Variants in TNFRSF10B observed in about 807,000 individuals in gnomAD.
TNFRSF10B encodes the protein tumor necrosis factor receptor superfamily member 10B.
Under a neutral mutation model 41.4 loss-of-function variants are expected in TNFRSF10B, and 35 were observed. The ratio of observed to expected loss-of-function variants is 0.85; its 90% confidence interval spans 0.65 to 1.12. The LOEUF is 1.12. Among genes scored for constraint, TNFRSF10B ranks in the 50% most tolerant of loss-of-function variants. TNFRSF10B has a pLI of 0.00. For synonymous variants in TNFRSF10B, 230 were observed against 215.5 expected (o/e 1.07, Z -0.59); for missense variants, 584 against 552.7 (o/e 1.06, Z -0.57).
intron 1 of TNFRSF10B, among the ~76,000 whole-genome samples, chr8:23,059,338 T>C (rs145618891): frequency 3.9e-5 from 6 of 152,368 alleles, no homozygotes; most frequent in African/African-American, 1.4e-4. Flanking sequence ...TTCAATTCTT[T>C]TGGACGTATA....
At position 23,028,483 on chromosome 8, in the gene TNFRSF10B, G is replaced by T. The variant is rs1395411868; in HGVS notation, c.596C>A (p.Thr199Asn). The T allele has an allele frequency of 3.1e-6, 5 of 1,614,158 alleles. No individual in the cohort carries two copies. Among genetic ancestry groups the T allele is most frequent in the Non-Finnish European group, 3.4e-6 (4 of 1,180,002 alleles). ...GEVPAVEETV[T>N]SSPGTPASPC... ...AGAGGCAGGAGTCCCTGGGCTGGAG[G>T]TCACCGTCTCCTCCACAGCTGGGAC... Residue 199 changes from threonine (T) to asparagine (N), a missense_variant, in exon 5 of 9, where the codon ACC becomes AAC. Coordinates refer to ENST00000276431, the MANE Select transcript of TNFRSF10B (RefSeq NM_003842.5).
chr8:23,053,005 A>T (rs1173658130), intron 1 of TNFRSF10B, among the ~76,000 whole-genome samples: 2 of 152,272 alleles, frequency 1.3e-5, no homozygotes, highest in East Asian at 3.8e-4. Context: ...GTTTAGAACA[A>T]GTCAGAAAGT....
chr8:23,030,895 G>T (rs1433463935), intron 2 of TNFRSF10B, 23 bp from the exon 3 acceptor site: 1 of 1,534,550 alleles, frequency 6.5e-7, no homozygotes, highest in East Asian at 2.3e-5. Context: ...AGAAAAGCCG[G>T]TGAATGAAAT....
At chr8:23,066,112 G>A (rs546463095) in intron 1 of TNFRSF10B, among the ~76,000 whole-genome samples, 63 of 152,050 alleles carry the variant, frequency 4.1e-4, no homozygotes, top group Non-Finnish European at 7.4e-4. Flanking sequence ...GTGAAACCCC[G>A]TCTCTACTAA....
chr8:23,039,536 C>CAAA (rs1563313420), intron 2 of TNFRSF10B, among the ~76,000 whole-genome samples: 4 of 152,116 alleles, frequency 2.6e-5, no homozygotes, highest in African/African-American at 9.7e-5. Flanking sequence ...ATCTGCTTGA[C>CAAA]TCAAAGCCCA....
At chr8:23,046,507 G>A (rs1812364174) in intron 1 of TNFRSF10B, among the ~76,000 whole-genome samples, 1 of 151,572 alleles carries the variant, frequency 6.6e-6, no homozygotes, top group Non-Finnish European at 1.5e-5. Context: ...TTGTTAAAAT[G>A]TCCATACTAT....
rs1437746314 is a variant in TNFRSF10B at position 23,020,606 on chromosome 8, C to T, written c.*2065G>A. 4 of 450,534 alleles carry T rather than the reference C, an allele frequency of 8.9e-6. No individual in the cohort carries two copies. The highest frequency in any genetic ancestry group is 1.8e-5 in the Non-Finnish European group (4 of 224,344). 27.9% of individuals were successfully genotyped at this position (450,534 alleles called of 1,614,324 possible). On this transcript the variant is annotated 3_prime_UTR_variant, in exon 9 of 9. Coordinates refer to ENST00000276431, the MANE Select transcript of TNFRSF10B (RefSeq NM_003842.5). ...ACTCCGGAGGCTGAGGCACGAGAAT[C>T]GCTTGAACCCAGGAGGCGGAGGTTG...
In TNFRSF10B at chr8:23,020,524, T is replaced by C. The variant is rs1413083607; in HGVS notation, c.*2147A>G. ...CTGACCAACATGGTGAAACCCCGTCTCTACTAAAAATACAAAAATTAGCCA... is the reference window on the plus strand; with the variant it reads ...CTGACCAACATGGTGAAACCCCGTCCCTACTAAAAATACAAAAATTAGCCA... On this transcript the variant is annotated 3_prime_UTR_variant, in exon 9 of 9. Transcript: ENST00000276431. The C allele has an allele frequency of 4.5e-6, 2 of 447,810 alleles. No homozygotes were observed. The highest frequency in any genetic ancestry group is 2.4e-5 in the Admixed American group (1 of 41,938). 27.7% of individuals were successfully genotyped at this position (447,810 alleles called of 1,614,324 possible).
chr8:23,048,097 G>T (rs1415634718), intron 1 of TNFRSF10B, among the ~76,000 whole-genome samples: 2 of 152,166 alleles, frequency 1.3e-5, no homozygotes, highest in Non-Finnish European at 2.9e-5. Context: ...TGAAATAAGT[G>T]AGGCACAAAA....
chr8:23,029,584 C>T, intron 4 of TNFRSF10B, 26 bp downstream of exon 4: 3 of 1,589,748 alleles, frequency 1.9e-6, no homozygotes, highest in Non-Finnish European at 2.6e-6. Flanking sequence ...CATGGAGCTA[C>T]TGGGAGCCCC....
chr8:23,046,370 C>A (rs554061028), intron 1 of TNFRSF10B, among the ~76,000 whole-genome samples: 1 of 151,716 alleles, frequency 6.6e-6, no homozygotes, highest in African/African-American at 2.4e-5. Flanking sequence ...GTAAATTTAA[C>A]TAAGGAAGTG....
At chr8:23,056,983 A>C (rs1401238667) in intron 1 of TNFRSF10B, among the ~76,000 whole-genome samples, 2 of 151,766 alleles carry the variant, frequency 1.3e-5, no homozygotes, top group Admixed American at 1.3e-4. Flanking sequence ...CAGTAGATGC[A>C]TGTGTCCTCT....
intron 2 of TNFRSF10B, among the ~76,000 whole-genome samples, chr8:23,037,703 T>C (rs945768489): frequency 1.3e-5 from 2 of 152,232 alleles, no homozygotes; most frequent in Admixed American, 6.5e-5. Flanking sequence ...TGGTGGGATA[T>C]GGCTTTTTGA....
chr8:23,042,743 C>A (rs1812241768), intron 2 of TNFRSF10B, among the ~76,000 whole-genome samples: 1 of 152,198 alleles, frequency 6.6e-6, no homozygotes. Flanking sequence ...CCACAGCAGC[C>A]CCCTGCTGTT....
At chr8:23,057,676 G>T (rs907092501) in intron 1 of TNFRSF10B, among the ~76,000 whole-genome samples, 7 of 150,674 alleles carry the variant, frequency 4.6e-5, no homozygotes, top group Admixed American at 2.0e-4. Flanking sequence ...AGGTGAATCC[G>T]CCTACCTTGG....
At chr8:23,065,020 C>T (rs1812942288) in intron 1 of TNFRSF10B, among the ~76,000 whole-genome samples, 1 of 152,228 alleles carries the variant, frequency 6.6e-6, no homozygotes, top group Admixed American at 6.5e-5. Context: ...GGAGCCAGCA[C>T]AGCCACTCTG....
intron 1 of TNFRSF10B, among the ~76,000 whole-genome samples, chr8:23,055,521 T>TAAAAAAA (rs34761330): frequency 1.7e-4 from 21 of 120,534 alleles, no homozygotes; most frequent in South Asian, 5.7e-4. Context: ...ATTAAATGCT[T>TAAAAAAA]AAAAAAAAAA....
At chr8:23,043,321 G>C (rs2128815945) in intron 1 of TNFRSF10B, 78 bp from the exon 2 acceptor site, 1 of 1,153,288 alleles carries the variant, frequency 8.7e-7, no homozygotes, top group Non-Finnish European at 1.3e-6. Flanking sequence ...ATTCTCTTGA[G>C]CCCAGGCACC....
intron 1 of TNFRSF10B, among the ~76,000 whole-genome samples, chr8:23,059,530 A>G (rs78253724): frequency 0.37 from 56,311 of 152,018 alleles, 10,953 homozygotes; most frequent in East Asian, 0.64. Flanking sequence ...TTTTTGAGAC[A>G]GAGTCTCGTT....
Sources: allele counts gnomAD v4.1 joint callset (sites outside exome capture counted in the v4.1 genomes callset), GRCh38; gene constraint gnomAD v4.1.1; transcripts MANE v1.5; gene names NCBI Gene and HGNC (gene_info 2026-07-23, HGNC 2026-07-21).